Variants in CNTNAP5 observed in about 807,000 individuals in gnomAD.
The protein encoded by CNTNAP5 is contactin associated protein family member 5, also known as contactin-associated protein-like 5.
In CNTNAP5, 72 loss-of-function variants were observed where a neutral mutation model predicts 150.2. The observed-to-expected ratio is 0.48, with a 90% confidence interval of 0.40 to 0.58. CNTNAP5 has a LOEUF of 0.58. CNTNAP5 is among the 20% of genes least tolerant of loss of function. The pLI is 0.00. For missense variants in CNTNAP5, 1,636 were observed against 1,626.2 expected (o/e 1.01, Z -0.10); for synonymous variants, 672 against 619.8 (o/e 1.08, Z -1.25).
chr2:124,510,477 GTATATATATATATATATATATATA>G (rs70996072), intron 8 of CNTNAP5, among the ~76,000 whole-genome samples: 2,401 of 102,606 alleles, frequency 0.023, 107 homozygotes, highest in Admixed American at 0.053. Context: ...TTATGTATGT[GTATATATATATATATATATATATA>G]TATATATATA....
At chr2:124,484,809 A>G (rs938949584) in intron 7 of CNTNAP5, among the ~76,000 whole-genome samples, 5 of 152,240 alleles carry the variant, frequency 3.3e-5, no homozygotes, top group African/African-American at 1.2e-4. Flanking sequence ...TTTACTTCAC[A>G]TAACATTTTT....
At chr2:124,298,112 A>G (rs1373213956) in intron 3 of CNTNAP5, among the ~76,000 whole-genome samples, 9 of 151,690 alleles carry the variant, frequency 5.9e-5, no homozygotes, top group African/African-American at 1.7e-4. Flanking sequence ...CACATATCCA[A>G]TTATTTACTG....
At chr2:124,791,600 T>A (rs1056192205) in intron 18 of CNTNAP5, among the ~76,000 whole-genome samples, 72 of 152,022 alleles carry the variant, frequency 4.7e-4, no homozygotes, top group African/African-American at 1.6e-3. Context: ...GTCTTTTGTT[T>A]GGAAGAACAT....
At chr2:124,765,231 A>C (rs796719962) in intron 16 of CNTNAP5, among the ~76,000 whole-genome samples, 3 of 152,112 alleles carry the variant, frequency 2.0e-5, no homozygotes, top group Admixed American at 1.3e-4. Context: ...TGCAAGCAAA[A>C]AAATTCTACT....
intron 3 of CNTNAP5, among the ~76,000 whole-genome samples, chr2:124,333,603 T>C (rs960210466): frequency 6.6e-6 from 1 of 152,342 alleles, no homozygotes; most frequent in Admixed American, 6.5e-5. Flanking sequence ...AAGAAAAGTT[T>C]AGAAGCCTGT....
intron 3 of CNTNAP5, among the ~76,000 whole-genome samples, chr2:124,417,170 C>A (rs926598939): frequency 6.6e-6 from 1 of 151,938 alleles, no homozygotes; most frequent in Non-Finnish European, 1.5e-5. Flanking sequence ...AGACTCCTGA[C>A]CTCATGACCC....
At chr2:124,084,273 T>G (rs181665526) in intron 1 of CNTNAP5, among the ~76,000 whole-genome samples, 16 of 146,170 alleles carry the variant, frequency 1.1e-4, no homozygotes, top group Admixed American at 3.4e-4. Flanking sequence ...TTGTAGAGGT[T>G]TTTTTTTTTT....
At chr2:124,699,477 C>T (rs1369885655) in intron 13 of CNTNAP5, among the ~76,000 whole-genome samples, 4 of 152,112 alleles carry the variant, frequency 2.6e-5, no homozygotes, top group Admixed American at 2.0e-4. Context: ...CAATGCTGAG[C>T]GAGGTCAGCT....
chr2:124,786,500 GGA>G (rs1681596729), intron 17 of CNTNAP5, among the ~76,000 whole-genome samples: 1 of 96,632 alleles, frequency 1.0e-5, no homozygotes, highest in African/African-American at 5.0e-5. Flanking sequence ...AGGAAGGGAG[GGA>G]AAGAAAAAGA....
chr2:124,521,025 C>A (rs1478412398), intron 8 of CNTNAP5, among the ~76,000 whole-genome samples: 1 of 152,198 alleles, frequency 6.6e-6, no homozygotes. Flanking sequence ...GGATGTACCA[C>A]TTCACTTGCC....
At chr2:124,827,116 A>T (rs574942622) in intron 19 of CNTNAP5, among the ~76,000 whole-genome samples, 10 of 152,068 alleles carry the variant, frequency 6.6e-5, no homozygotes, top group African/African-American at 2.4e-4. Context: ...TAGAGACAGG[A>T]TCTCCCTGTG....
chr2:124,553,058 A>G (rs1573454343), intron 10 of CNTNAP5, among the ~76,000 whole-genome samples: 1 of 152,056 alleles, frequency 6.6e-6, no homozygotes, highest in East Asian at 1.9e-4. Flanking sequence ...GGAAAGAAAT[A>G]GAATTCTAGG....
At chr2:124,650,079 A>G (rs532217041) in intron 13 of CNTNAP5, among the ~76,000 whole-genome samples, 4 of 152,326 alleles carry the variant, frequency 2.6e-5, no homozygotes, top group Admixed American at 2.0e-4. Flanking sequence ...TTCCATGTGT[A>G]TATTCTCAAA....
chr2:124,879,326 A>G (rs1677922349), intron 21 of CNTNAP5, among the ~76,000 whole-genome samples: 1 of 152,160 alleles, frequency 6.6e-6, no homozygotes, highest in African/African-American at 2.4e-5. Context: ...AGGCACATGC[A>G]TGCACACACA....
intron 16 of CNTNAP5, among the ~76,000 whole-genome samples, chr2:124,766,468 A>C (rs1207935472): frequency 6.6e-6 from 1 of 151,980 alleles, no homozygotes; most frequent in Non-Finnish European, 1.5e-5. Flanking sequence ...ATTACCAAGC[A>C]GCTAAGTGTT....
chr2:124,134,618 A>G (rs929926731), intron 1 of CNTNAP5, among the ~76,000 whole-genome samples: 2 of 152,204 alleles, frequency 1.3e-5, no homozygotes, highest in African/African-American at 4.8e-5. Context: ...CCAATTGTGC[A>G]TGGTCCTGGG....
intron 3 of CNTNAP5, among the ~76,000 whole-genome samples, chr2:124,361,575 G>GT (rs1186266731): frequency 1.4e-5 from 2 of 144,576 alleles, no homozygotes; most frequent in Non-Finnish European, 3.0e-5. Context: ...GCCTTGTGAG[G>GT]TGTCAGTGTG....
chr2:124,906,702 T>C (rs1011731254), intron 22 of CNTNAP5, among the ~76,000 whole-genome samples: 11 of 152,150 alleles, frequency 7.2e-5, no homozygotes, highest in Non-Finnish European at 1.3e-4. Flanking sequence ...TTTGTAAAAA[T>C]TGAGAAATAA....
At chr2:124,191,667 G>C (rs908926063) in intron 1 of CNTNAP5, among the ~76,000 whole-genome samples, 1 of 152,122 alleles carries the variant, frequency 6.6e-6, no homozygotes, top group Non-Finnish European at 1.5e-5. Context: ...TGTAATCCCA[G>C]TACTTTGGGA....
Sources: allele counts gnomAD v4.1 joint callset (sites outside exome capture counted in the v4.1 genomes callset), GRCh38; gene constraint gnomAD v4.1.1; transcripts MANE v1.5; gene names NCBI Gene and HGNC (gene_info 2026-07-23, HGNC 2026-07-21).